Variants in ROBO2 observed in about 807,000 individuals in gnomAD.
The protein encoded by ROBO2 is roundabout homolog 2.
In ROBO2, 53 loss-of-function variants were observed where a neutral mutation model predicts 160.8. The observed-to-expected ratio is 0.33, with a 90% CI of 0.26 to 0.41. ROBO2 has a LOEUF of 0.41. Among genes scored for constraint, ROBO2 ranks in the 10% least tolerant of loss-of-function variants. ROBO2 has a pLI of 1.00. For missense variants in ROBO2, 1,577 were observed against 1,722.4 expected, an observed-to-expected ratio of 0.92 and a Z score of 1.49; for synonymous variants, 664 against 611.7, an observed-to-expected ratio of 1.09 and a Z score of -1.26.
intron 2 of ROBO2, among the ~76,000 whole-genome samples, chr3:76,566,583 A>C (rs1179779043): frequency 6.6e-6 from 1 of 152,224 alleles, no homozygotes; most frequent in Non-Finnish European, 1.5e-5. Flanking sequence ...CACTAAGAGT[A>C]ATTCTATTAT....
At chr3:76,500,696 T>C (rs928694587) in intron 2 of ROBO2, among the ~76,000 whole-genome samples, 2 of 152,176 alleles carry the variant, frequency 1.3e-5, no homozygotes, top group African/African-American at 2.4e-5. Context: ...CAAAAATCTA[T>C]GAGATAAAAG....
intron 2 of ROBO2, among the ~76,000 whole-genome samples, chr3:76,895,148 T>C (rs1320539991): frequency 6.6e-6 from 1 of 152,106 alleles, no homozygotes; most frequent in African/African-American, 2.4e-5. Flanking sequence ...TCTTCTTTCT[T>C]ACATTCTCTT....
intron 2 of ROBO2, among the ~76,000 whole-genome samples, chr3:76,221,769 G>A (rs139903852): frequency 6.6e-6 from 1 of 152,230 alleles, no homozygotes; most frequent in East Asian, 1.9e-4. Context: ...TTTTGTCTTT[G>A]AGGTGAGTTC....
At chr3:76,134,542 C>T (rs1049884769) in intron 2 of ROBO2, among the ~76,000 whole-genome samples, 5 of 151,996 alleles carry the variant, frequency 3.3e-5, no homozygotes, top group African/African-American at 4.8e-5. Context: ...GAAGATCTGG[C>T]GATCAGAGAA....
chr3:76,000,757 A>T (rs2065863798), intron 2 of ROBO2, among the ~76,000 whole-genome samples: 1 of 151,624 alleles, frequency 6.6e-6, no homozygotes, highest in Admixed American at 6.6e-5. Context: ...CCCAAAGTTA[A>T]TTTTTTTATA....
At chr3:77,119,801 C>G (rs2074567165) in intron 2 of ROBO2, among the ~76,000 whole-genome samples, 1 of 152,136 alleles carries the variant, frequency 6.6e-6, no homozygotes, top group South Asian at 2.1e-4. Flanking sequence ...GACTGGCAGT[C>G]TAAGAGTTGC....
chr3:77,342,904 G>A (rs994777365), intron 2 of ROBO2, among the ~76,000 whole-genome samples: 4 of 152,180 alleles, frequency 2.6e-5, no homozygotes, highest in Admixed American at 6.5e-5. Context: ...GCTGGATGGC[G>A]TAAGCCATGG....
chr3:76,533,304 G>T (rs776289834), intron 2 of ROBO2, among the ~76,000 whole-genome samples: 1 of 152,172 alleles, frequency 6.6e-6, no homozygotes, highest in African/African-American at 2.4e-5. Flanking sequence ...TTTTATTTCT[G>T]TGAAGACAAC....
At chr3:76,021,789 CA>C (rs895204597) in intron 2 of ROBO2, among the ~76,000 whole-genome samples, 33 of 151,858 alleles carry the variant, frequency 2.2e-4, no homozygotes, top group Admixed American at 1.6e-3. Context: ...GGTTTGGTCC[CA>C]ATGTTGATGG....
intron 5 of ROBO2, among the ~76,000 whole-genome samples, chr3:77,495,355 A>G (rs1318164527): frequency 1.3e-5 from 2 of 152,182 alleles, no homozygotes; most frequent in African/African-American, 4.8e-5. Context: ...CTTATTGTTA[A>G]TATCTTACAT....
At chr3:77,077,082 C>T (rs555129559) in intron 1 of ROBO2, among the ~76,000 whole-genome samples, 108 of 152,232 alleles carry the variant, frequency 7.1e-4, no homozygotes, top group Non-Finnish European at 4.4e-4. Flanking sequence ...ATATTCTTGC[C>T]TTTTGAAAAA....
intron 1 of ROBO2, among the ~76,000 whole-genome samples, chr3:77,097,307 C>T (rs747348586): frequency 1.3e-5 from 2 of 151,890 alleles, no homozygotes; most frequent in South Asian, 4.2e-4. Context: ...TAATTTTTTT[C>T]GGGGAAGGGA....
chr3:77,121,314 G>T (rs2074743131), intron 2 of ROBO2, among the ~76,000 whole-genome samples: 1 of 151,992 alleles, frequency 6.6e-6, no homozygotes, highest in African/African-American at 2.4e-5. Flanking sequence ...TTCATATTCT[G>T]TCAGCATAAT....
At chr3:76,544,764 C>T (rs2083002615) in intron 2 of ROBO2, among the ~76,000 whole-genome samples, 2 of 151,934 alleles carry the variant, frequency 1.3e-5, no homozygotes, top group African/African-American at 4.8e-5. Context: ...CAGTAGTAAC[C>T]TCACAATGAC....
intron 2 of ROBO2, among the ~76,000 whole-genome samples, chr3:76,483,398 TG>T (rs1427888205): frequency 6.6e-6 from 1 of 152,006 alleles, no homozygotes; most frequent in African/African-American, 2.4e-5. Context: ...TGCTGAGGTT[TG>T]GGGTGTGATT....
chr3:77,143,745 T>C (rs2076910363), intron 2 of ROBO2, among the ~76,000 whole-genome samples: 1 of 152,136 alleles, frequency 6.6e-6, no homozygotes, highest in African/African-American at 2.4e-5. Flanking sequence ...TTGCTAAATT[T>C]TTTGATTCCT....
intron 2 of ROBO2, among the ~76,000 whole-genome samples, chr3:76,256,995 G>A (rs1706434927): frequency 6.6e-6 from 1 of 151,944 alleles, no homozygotes; most frequent in Admixed American, 6.6e-5. Flanking sequence ...ACTACCGAGA[G>A]GACAGCATGA....
chr3:76,005,824 A>G (rs6793195), intron 2 of ROBO2, among the ~76,000 whole-genome samples: 7,680 of 152,280 alleles, frequency 0.05, 606 homozygotes, highest in African/African-American at 0.17. Flanking sequence ...TTGAAAATGT[A>G]GTCATTCAAA....
chr3:77,438,216 G>A (rs1404941470), intron 2 of ROBO2, among the ~76,000 whole-genome samples: 1 of 151,398 alleles, frequency 6.6e-6, no homozygotes, highest in African/African-American at 2.4e-5. Context: ...TAGATACATA[G>A]ATAGATAGAT....
Sources: allele counts gnomAD v4.1 joint callset (sites outside exome capture counted in the v4.1 genomes callset), GRCh38; gene constraint gnomAD v4.1.1; transcripts MANE v1.5; gene names NCBI Gene and HGNC (gene_info 2026-07-23, HGNC 2026-07-21).